UCK2: variants seen among roughly 807,000 people sequenced by gnomAD.
UCK2 encodes cytidine monophosphokinase 2.
UCK2 carries 6 observed loss-of-function variants against 30.8 expected under a neutral mutation model. The observed-to-expected ratio is 0.19, with a 90% CI of 0.11 to 0.38. The LOEUF is 0.38. Ranked by LOEUF, UCK2 falls within the 10% of genes least tolerant of loss-of-function variation. UCK2 has a pLI of 1.00. For synonymous variants in UCK2, 125 were observed against 133.6 expected (o/e 0.94, Z 0.45); for missense variants, 210 against 339.8 (o/e 0.62, Z 3.00).
At chr1:165,885,359 A>T in intron 1 of UCK2, 1 of 398,554 alleles carries the variant, frequency 2.5e-6, no homozygotes, top group South Asian at 1.3e-4. Context: ...ATTAAATGAG[A>T]TAATGTCTTC....
At chr1:165,844,605 G>A (rs1229662228) in intron 1 of UCK2, among the ~76,000 whole-genome samples, 1 of 152,180 alleles carries the variant, frequency 6.6e-6, no homozygotes, top group African/African-American at 2.4e-5. Flanking sequence ...GATGGTGGCT[G>A]GTTGCTAAGG....
intron 4 of UCK2, among the ~76,000 whole-genome samples, chr1:165,901,563 T>C (rs1061771): frequency 0.1 from 15,854 of 152,230 alleles, 2,393 homozygotes; most frequent in African/African-American, 0.33. Flanking sequence ...TGAGTCTATT[T>C]ACTGAGAAAT....
At chr1:165,902,150 C>T (rs896786891) in intron 4 of UCK2, among the ~76,000 whole-genome samples, 4 of 152,030 alleles carry the variant, frequency 2.6e-5, no homozygotes, top group Admixed American at 2.0e-4. Flanking sequence ...GCAGGAGAAT[C>T]GCTTGAACCC....
chr1:165,882,291 G>A (rs759812362), intron 1 of UCK2, among the ~76,000 whole-genome samples: 2 of 152,192 alleles, frequency 1.3e-5, no homozygotes, highest in Non-Finnish European at 2.9e-5. Context: ...AAGGCAGCCT[G>A]TTGGACCAGG....
chr1:165,880,566 G>GT (rs1557843943), intron 1 of UCK2, among the ~76,000 whole-genome samples: 1,567 of 19,336 alleles, frequency 0.081, 35 homozygotes, highest in Middle Eastern at 0.19. Context: ...TTTTTTTGGG[G>GT]GTGTGTGTGT....
intron 1 of UCK2, among the ~76,000 whole-genome samples, chr1:165,871,308 T>C (rs1329154545): frequency 6.6e-6 from 1 of 152,184 alleles, no homozygotes; most frequent in African/African-American, 2.4e-5. Context: ...ACAAATGGCT[T>C]TCATCTGGGT....
chr1:165,835,304 G>C (rs1273773884), intron 1 of UCK2, among the ~76,000 whole-genome samples: 1 of 146,278 alleles, frequency 6.8e-6, no homozygotes, highest in Non-Finnish European at 1.5e-5. Flanking sequence ...ATCCCATTTT[G>C]CACATATAAT....
intron 1 of UCK2, among the ~76,000 whole-genome samples, chr1:165,888,929 T>C (rs1169129758): frequency 6.6e-6 from 1 of 152,260 alleles, no homozygotes; most frequent in Non-Finnish European, 1.5e-5. Context: ...CTCATTCTAT[T>C]GAATGCACTT....
intron 1 of UCK2, among the ~76,000 whole-genome samples, chr1:165,887,771 TC>T (rs11454411): frequency 2.0e-5 from 3 of 150,718 alleles, no homozygotes; most frequent in East Asian, 1.9e-4. Flanking sequence ...GCCTTTGATT[TC>T]CCCCCCCACC....
intron 3 of UCK2, chr1:165,895,501 G>T: frequency 1.0e-6 from 1 of 985,376 alleles, no homozygotes; most frequent in African/African-American, 1.7e-5. Flanking sequence ...GGGTGGATGA[G>T]GTCATGCATA....
chr1:165,842,602 C>A (rs569958560), intron 1 of UCK2, among the ~76,000 whole-genome samples: 1 of 152,300 alleles, frequency 6.6e-6, no homozygotes, highest in South Asian at 2.1e-4. Flanking sequence ...GAAATAATTT[C>A]TCCTCCCAAT....
chr1:165,832,755 G>A (rs371265639), intron 1 of UCK2, among the ~76,000 whole-genome samples: 3 of 151,962 alleles, frequency 2.0e-5, no homozygotes, highest in South Asian at 2.1e-4. Flanking sequence ...CACAATGTCC[G>A]GCTAATTTTT....
At chr1:165,861,660 CAA>C (rs1260107533) in intron 1 of UCK2, among the ~76,000 whole-genome samples, 17 of 27,222 alleles carry the variant, frequency 6.2e-4, no homozygotes, top group African/African-American at 2.5e-3. Context: ...CAAAAAAAAA[CAA>C]CAGTAAAACT....
chr1:165,887,771 T>TC (rs11454411), intron 1 of UCK2, among the ~76,000 whole-genome samples: 61,316 of 150,522 alleles, frequency 0.41, 12,810 homozygotes, highest in Non-Finnish European at 0.48. Flanking sequence ...GCCTTTGATT[T>TC]CCCCCCCCAC....
intron 1 of UCK2, among the ~76,000 whole-genome samples, chr1:165,845,194 C>T (rs1321076952): frequency 6.6e-6 from 1 of 152,096 alleles, no homozygotes; most frequent in Admixed American, 6.5e-5. Flanking sequence ...TACAGGACAT[C>T]CAGCTGGTGT....
chr1:165,885,989 G>A (rs1655604505), intron 1 of UCK2, among the ~76,000 whole-genome samples: 1 of 152,070 alleles, frequency 6.6e-6, no homozygotes, highest in African/African-American at 2.4e-5. Context: ...ATTATTGGAT[G>A]ACCAAATTCC....
At chr1:165,896,136 G>C in intron 3 of UCK2, 54 bp from the exon 4 acceptor site, 1 of 1,608,798 alleles carries the variant, frequency 6.2e-7, no homozygotes, top group Non-Finnish European at 8.5e-7. Flanking sequence ...CTTGTTCTCT[G>C]TCCCTTGCTA....
At position 165,907,980 on chromosome 1, in the gene UCK2, T is replaced by C. The variant is rs571441996; in HGVS notation, c.*157T>C. Reference sequence around the variant, plus strand: ...TGATTTTTTTTTTCTTTTTGTACTTTGGAACGACAAAATGAAACAGAACTT... The same window carrying C: ...TGATTTTTTTTTTCTTTTTGTACTTCGGAACGACAAAATGAAACAGAACTT... On this transcript the variant is annotated 3_prime_UTR_variant, in exon 7 of 7. Transcript: ENST00000367879. 6.3e-6 allele frequency: 7 copies of C among 1,112,132 alleles called. No individual in the cohort carries two copies. In the African/African-American group the frequency reaches 6.3e-5, roughly 10 times the overall value. The allele number at this position is 1,112,132 out of a possible 1,614,324, so 68.9% of individuals were successfully genotyped here.
At chr1:165,877,758 T>C (rs1655375316) in intron 1 of UCK2, among the ~76,000 whole-genome samples, 1 of 152,230 alleles carries the variant, frequency 6.6e-6, no homozygotes, top group Non-Finnish European at 1.5e-5. Flanking sequence ...TTCATTTCTG[T>C]GGGATCAGTA....
Sources: allele counts gnomAD v4.1 joint callset (sites outside exome capture counted in the v4.1 genomes callset), GRCh38; gene constraint gnomAD v4.1.1; transcripts MANE v1.5; gene names NCBI Gene and HGNC (gene_info 2026-07-23, HGNC 2026-07-21).